Variants in GSE1 observed in about 807,000 individuals in gnomAD.
The protein encoded by GSE1 is genetic suppressor element 1.
A neutral mutation model predicts 112.6 loss-of-function variants in GSE1; 32 were observed. That is an observed-to-expected ratio of 0.28 (90% CI 0.21 to 0.38). The LOEUF (loss-of-function observed/expected upper bound fraction) is 0.38, where lower values mean the gene tolerates loss of function less well. Among genes scored for constraint, GSE1 ranks in the 10% least tolerant of loss-of-function variants. The probability of loss-of-function intolerance (pLI) is 1.00; values close to 1 mark genes in which losing one functional copy is unlikely to be tolerated. For synonymous variants in GSE1, 1,115 were observed against 735.6 expected (o/e 1.52, Z -8.35); for missense variants, 2,348 against 1,699.2 (o/e 1.38, Z -6.71).
At chr16:85,301,799 G>A (rs1408639046) in intron 1 of GSE1, among the ~76,000 whole-genome samples, 2 of 152,244 alleles carry the variant, frequency 1.3e-5, no homozygotes, top group Non-Finnish European at 2.9e-5. Flanking sequence ...ATGGCCCAGA[G>A]GCCCCAGCAG....
At chr16:85,620,422 A>AT (rs2048656853) in intron 1 of GSE1, among the ~76,000 whole-genome samples, 2 of 152,170 alleles carry the variant, frequency 1.3e-5, no homozygotes, top group Non-Finnish European at 2.9e-5. Context: ...GACATGTGGT[A>AT]TTTTTTCCAT....
chr16:85,516,996 A>C (rs574030674), intron 2 of GSE1, among the ~76,000 whole-genome samples: 1 of 151,962 alleles, frequency 6.6e-6, no homozygotes, highest in Non-Finnish European at 1.5e-5. Flanking sequence ...ACGGGGTTTC[A>C]CCGTGTTAGC....
intron 15 of GSE1, among the ~76,000 whole-genome samples, chr16:85,671,371 C>T (rs1421507585): frequency 7.2e-6 from 1 of 137,938 alleles, no homozygotes; most frequent in African/African-American, 2.7e-5. Context: ...ACCCGGGAGG[C>T]GGAGCTTGCA....
chr16:85,280,967 G>GGTTT lies in GSE1; in HGVS notation c.2284-76494_2284-76491dup, dbSNP rs1331765650. Among the ~76,000 whole-genome samples, 3 of 152,246 alleles carry GGTTT rather than the reference G, an allele frequency of 2.0e-5. No individual in the cohort carries two copies. In the East Asian group the frequency reaches 5.8e-4, roughly 29 times the overall value. Reference sequence around the variant, plus strand: ...TTGCCTGCCCAGGTCTTCCCATCTGGGTTTGCTCCAGTGCCTGGGCCGGTC... The same window carrying GGTTT: ...TTGCCTGCCCAGGTCTTCCCATCTGGGTTTGTTTGCTCCAGTGCCTGGGCCGGTC... On this transcript the variant is annotated intron_variant, in intron 1 of 2. Coordinates refer to the GSE1 transcript ENST00000637419.
At chr16:85,284,349 C>T (rs1267446605) in intron 1 of GSE1, among the ~76,000 whole-genome samples, 1 of 152,196 alleles carries the variant, frequency 6.6e-6, no homozygotes, top group Non-Finnish European at 1.5e-5. Context: ...AGAGAGAGGT[C>T]TCCCGGCGGG....
chr16:85,334,535 G>C (rs2151525689), intron 1 of GSE1, among the ~76,000 whole-genome samples: 1 of 152,306 alleles, frequency 6.6e-6, no homozygotes, highest in East Asian at 1.9e-4. Context: ...ATCCTTGAAG[G>C]ACCTGGTGTC....
chr16:85,446,576 G>T (rs540212499), intron 2 of GSE1, among the ~76,000 whole-genome samples: 67 of 152,312 alleles, frequency 4.4e-4, no homozygotes, highest in African/African-American at 1.6e-3. Context: ...ACGGCAGCAG[G>T]AGTGGAGAGC....
intron 1 of GSE1, among the ~76,000 whole-genome samples, chr16:85,267,009 C>A (rs1034229264): frequency 6.6e-6 from 1 of 152,212 alleles, no homozygotes; most frequent in Non-Finnish European, 1.5e-5. Flanking sequence ...CCTTGGGCTC[C>A]GAGACGGCTG....
chr16:85,538,627 T>C (rs961398542), intron 2 of GSE1, among the ~76,000 whole-genome samples: 1 of 152,140 alleles, frequency 6.6e-6, no homozygotes, highest in Non-Finnish European at 1.5e-5. Context: ...GTGGTTTCAC[T>C]GGGGACTTGC....
At chr16:85,268,671 G>GC (rs1452439465) in intron 1 of GSE1, among the ~76,000 whole-genome samples, 3 of 152,190 alleles carry the variant, frequency 2.0e-5, no homozygotes, top group Admixed American at 6.5e-5. Flanking sequence ...TGCCCCTGGA[G>GC]CCCCCCAAGG....
chr16:85,420,552 GC>G (rs1232187533), intron 2 of GSE1, among the ~76,000 whole-genome samples: 1 of 152,130 alleles, frequency 6.6e-6, no homozygotes, highest in East Asian at 1.9e-4. Flanking sequence ...GTCACTCAGG[GC>G]CCATGTGCCT....
intron 1 of GSE1, chr16:85,592,354 T>A (rs2047039269): frequency 6.6e-6 from 1 of 152,202 alleles, no homozygotes; most frequent in South Asian, 2.1e-4. Context: ...TTCTCCATGT[T>A]GCCCAAGTTG....
intron 8 of GSE1, among the ~76,000 whole-genome samples, chr16:85,660,686 A>G (rs988724446): frequency 4.0e-5 from 6 of 151,548 alleles, no homozygotes; most frequent in African/African-American, 1.5e-4. Context: ...GCTGGAGTGC[A>G]ATGGCACGGT....
At chr16:85,331,703 A>T (rs1252166303) in intron 1 of GSE1, among the ~76,000 whole-genome samples, 783 of 40,570 alleles carry the variant, frequency 0.019, 61 homozygotes, top group African/African-American at 0.025. Flanking sequence ...ATATATATAT[A>T]TATATTTTTT....
At chr16:85,231,483 G>A (rs1904286358) in intron 1 of GSE1, among the ~76,000 whole-genome samples, 1 of 152,152 alleles carries the variant, frequency 6.6e-6, no homozygotes, top group Non-Finnish European at 1.5e-5. Flanking sequence ...TGGATGAATA[G>A]ATGGATGGAC....
chr16:85,525,302 C>T (rs970106232), intron 2 of GSE1, among the ~76,000 whole-genome samples: 1 of 152,164 alleles, frequency 6.6e-6, no homozygotes, highest in Non-Finnish European at 1.5e-5. Flanking sequence ...CAGCCCGTCT[C>T]CTGGGATCAA....
intron 1 of GSE1, among the ~76,000 whole-genome samples, chr16:85,227,706 T>A (rs927275958): frequency 6.6e-6 from 1 of 152,058 alleles, no homozygotes; most frequent in Admixed American, 6.5e-5. Flanking sequence ...GAGGGGAGAT[T>A]CATTTCAGGG....
At chr16:85,345,610 C>A (rs1482858566) in intron 1 of GSE1, among the ~76,000 whole-genome samples, 1 of 152,158 alleles carries the variant, frequency 6.6e-6, no homozygotes. Context: ...CCCACCCATC[C>A]GTTACTTTCT....
In GSE1 at chr16:85,443,274, C is replaced by G. The variant is rs1436021636; in HGVS notation, c.2464+85631C>G. 3.3e-5 allele frequency among the ~76,000 whole-genome samples: 5 copies of G among 152,216 alleles called. No homozygotes were observed. In the East Asian group the frequency reaches 9.7e-4, roughly 29 times the overall value. ...ATGGCCCGCCAGGCCCCAGACCACC[C>G]TCTCCAGGCCCATCTCGCCCGTTTC... On this transcript the variant is annotated intron_variant, in intron 2 of 2. Transcript: ENST00000637419.
Sources: gnomAD v4.1 joint callset for allele counts (sites outside exome capture counted in the v4.1 genomes callset) on GRCh38, gnomAD v4.1.1 for gene constraint, MANE v1.5 for transcripts, NCBI Gene and HGNC (gene_info 2026-07-23, HGNC 2026-07-21) for gene names.